Variants in SHROOM2 observed in about 807,000 individuals in gnomAD.
SHROOM2 encodes the protein protein Shroom2.
In SHROOM2, 33 loss-of-function variants were observed where a neutral mutation model predicts 75.9. That is an observed-to-expected ratio of 0.43 (90% CI 0.33 to 0.58). The LOEUF is 0.58. SHROOM2 is among the 20% of genes least tolerant of loss of function. The pLI is 0.04. For synonymous variants in SHROOM2, 655 were observed against 663.6 expected, an observed-to-expected ratio of 0.99 and a Z score of 0.20; for missense variants, 1,434 against 1,461.2, an observed-to-expected ratio of 0.98 and a Z score of 0.30.
chrX:9,895,740 C>T lies in SHROOM2; in HGVS notation c.1832C>T (p.Pro611Leu), dbSNP rs757334766. The T allele has an allele frequency of 1.0e-5, 12 of 1,196,043 alleles. No homozygotes were observed. Among genetic ancestry groups the T allele is most frequent in the African/African-American group, 7.0e-5 (4 of 57,371 alleles). ...GAGGACAGCGCCACCAGACCGCCAC[C>T]GTTCGACGCCCACGTGGGCAAGCCC... ...SPEDSATRPP[P>L]FDAHVGKPTR... Residue 611 changes from proline (P) to leucine (L), a missense_variant, in exon 4 of 10, where the codon CCG becomes CTG. Coordinates refer to ENST00000380913, the MANE Select transcript of SHROOM2 (RefSeq NM_001649.4).
At chrX:9,862,002 G>T (rs956170930) in intron 1 of SHROOM2, among the ~76,000 whole-genome samples, 1 of 111,524 alleles carries the variant, frequency 9.0e-6, no homozygotes, top group Non-Finnish European at 1.9e-5. Flanking sequence ...CATAGGAAGC[G>T]GGATTTCGTG....
intron 1 of SHROOM2, among the ~76,000 whole-genome samples, chrX:9,847,435 A>G (rs2084012292): frequency 8.9e-6 from 1 of 112,250 alleles, no homozygotes; most frequent in African/African-American, 3.2e-5. Flanking sequence ...GCGAATCCAA[A>G]TATGGCTGGA....
At chrX:9,893,974 T>TCAA (rs1320704876) in intron 3 of SHROOM2, among the ~76,000 whole-genome samples, 214 of 102,799 alleles carry the variant, frequency 2.1e-3, no homozygotes, top group African/African-American at 7.4e-3. Context: ...AAAACCAAAA[T>TCAA]CAACAACAAC....
At chrX:9,815,894 A>T (rs1443529750) in intron 1 of SHROOM2, among the ~76,000 whole-genome samples, 1 of 111,861 alleles carries the variant, frequency 8.9e-6, no homozygotes, top group African/African-American at 3.3e-5. Context: ...ACTCAAATGT[A>T]ATCTCTTTTG....
In SHROOM2 at chrX:9,794,052, C is replaced by T. The variant is rs753894021; in HGVS notation, c.165+7342C>T. On this transcript the variant is annotated intron_variant, in intron 1 of 9. Coordinates refer to ENST00000380913, the MANE Select transcript of SHROOM2 (RefSeq NM_001649.4). ...GAGCAACTAAGGCTGGCCTCTTCCCCGCTCTGAGGAGCATGGGGTTACCAA... is the reference window on the plus strand; with the variant it reads ...GAGCAACTAAGGCTGGCCTCTTCCCTGCTCTGAGGAGCATGGGGTTACCAA... 2.0e-4 allele frequency among the ~76,000 whole-genome samples: 23 copies of T among 112,280 alleles called. No individual in the cohort carries two copies. The East Asian group carries it at 2.3e-3, about 11-fold the overall frequency.
At chrX:9,833,748 G>A (rs1411717394) in intron 1 of SHROOM2, among the ~76,000 whole-genome samples, 2 of 110,820 alleles carry the variant, frequency 1.8e-5, no homozygotes, top group Non-Finnish European at 3.8e-5. Flanking sequence ...ATTAGCTTCC[G>A]TGGGAGAGGG....
intron 1 of SHROOM2, among the ~76,000 whole-genome samples, chrX:9,806,492 G>GTA (rs892387907): frequency 3.8e-5 from 4 of 104,655 alleles, no homozygotes; most frequent in Non-Finnish European, 7.6e-5. Context: ...ATATATATGT[G>GTA]TATATATATG....
intron 5 of SHROOM2, among the ~76,000 whole-genome samples, chrX:9,924,100 C>T (rs1472104105): frequency 8.9e-6 from 1 of 112,247 alleles, no homozygotes; most frequent in Non-Finnish European, 1.9e-5. Flanking sequence ...GCAGCTTCAG[C>T]AGAGACACGG....
chrX:9,918,181 G>A (rs1382675736), intron 5 of SHROOM2, among the ~76,000 whole-genome samples: 6 of 112,870 alleles, frequency 5.3e-5, no homozygotes, highest in East Asian at 5.5e-4. Context: ...TAGCATTCCC[G>A]AGGTCGGGTG....
intron 1 of SHROOM2, among the ~76,000 whole-genome samples, chrX:9,839,908 C>A (rs1258768345): frequency 8.9e-6 from 1 of 112,005 alleles, no homozygotes; most frequent in Non-Finnish European, 1.9e-5. Context: ...TTTCCGGTGC[C>A]ATCGAGCTCT....
chrX:9,846,962 T>C (rs898901147), intron 1 of SHROOM2, among the ~76,000 whole-genome samples: 15 of 112,373 alleles, frequency 1.3e-4, no homozygotes, highest in African/African-American at 4.8e-4. Flanking sequence ...ACGAGTCTCA[T>C]AGGTGAAATC....
intron 1 of SHROOM2, among the ~76,000 whole-genome samples, chrX:9,855,631 C>T (rs1426004613): frequency 1.8e-5 from 2 of 111,788 alleles, no homozygotes; most frequent in Non-Finnish European, 3.8e-5. Context: ...TGAAACAAGG[C>T]TGCTACGGTT....
chrX:9,805,956 G>A (rs1439627092), intron 1 of SHROOM2, among the ~76,000 whole-genome samples: 3 of 108,805 alleles, frequency 2.8e-5, no homozygotes, highest in Admixed American at 9.9e-5. Context: ...AGGTGATTAG[G>A]AATGGGGTCA....
intron 1 of SHROOM2, among the ~76,000 whole-genome samples, chrX:9,861,698 G>C (rs770496598): frequency 5.4e-5 from 6 of 112,026 alleles, no homozygotes. Flanking sequence ...CCTCCTGGTC[G>C]TCCTAGGATG....
intron 3 of SHROOM2, among the ~76,000 whole-genome samples, chrX:9,891,597 CT>C (rs1356562145): frequency 8.9e-6 from 1 of 112,082 alleles, no homozygotes; most frequent in Admixed American, 9.4e-5. Flanking sequence ...AGCAGATAGT[CT>C]GCTTTTGGTG....
chrX:9,825,466 G>C lies in SHROOM2; in HGVS notation c.165+38756G>C, dbSNP rs374286069. 3.6e-5 allele frequency among the ~76,000 whole-genome samples: 4 copies of C among 112,634 alleles called. No individual in the cohort carries two copies. The East Asian group carries it at 8.4e-4, about 24-fold the overall frequency. ...TTTGGTATTTTGTTCTATAAATTCA[G>C]TTGGGGCTGACAAAATTAATGAACT... is the stretch of plus-strand genomic sequence containing the variant. On this transcript the variant is annotated intron_variant, in intron 1 of 9. Coordinates refer to ENST00000380913, the MANE Select transcript of SHROOM2 (RefSeq NM_001649.4).
intron 5 of SHROOM2, among the ~76,000 whole-genome samples, chrX:9,903,931 G>A (rs1004730156): frequency 7.2e-5 from 8 of 110,578 alleles, no homozygotes; most frequent in Admixed American, 1.9e-4. Context: ...CGAGACAGGC[G>A]GCCACCCGTT....
chrX:9,898,903 C>T (rs1265706768), intron 5 of SHROOM2, among the ~76,000 whole-genome samples: 1 of 109,361 alleles, frequency 9.1e-6, no homozygotes, highest in Non-Finnish European at 1.9e-5. Context: ...CCAGAATGTG[C>T]GCCGTAGCCG....
chrX:9,939,426 A>C (rs2084749238), intron 8 of SHROOM2, 60 bp downstream of exon 8: 2 of 1,022,001 alleles, frequency 2.0e-6, no homozygotes, highest in East Asian at 6.5e-5. Context: ...AGGCATCCGG[A>C]TCACACCATC....
Sources: allele counts gnomAD v4.1 joint callset (sites outside exome capture counted in the v4.1 genomes callset), GRCh38; gene constraint gnomAD v4.1.1; transcripts MANE v1.5; gene names NCBI Gene and HGNC (gene_info 2026-07-23, HGNC 2026-07-21).